The following FOXA3 variants were observed in gnomAD, a reference collection of about 807,000 sequenced individuals.
FOXA3 encodes forkhead box A3.
In FOXA3, 11 loss-of-function variants were observed where a neutral mutation model predicts 16.9. The ratio of observed to expected loss-of-function variants is 0.65; its 90% CI spans 0.41 to 1.08. The LOEUF (loss-of-function observed/expected upper bound fraction) is 1.08. Among genes scored for constraint, FOXA3 ranks in the 50% least tolerant of loss-of-function variants. FOXA3 has a pLI of 0.00. For synonymous variants in FOXA3, 217 were observed against 203.3 expected (o/e 1.07, Z -0.57); for missense variants, 423 against 470.1 (o/e 0.90, Z 0.93).
intron 1 of FOXA3, among the ~76,000 whole-genome samples, chr19:45,867,896 A>T (rs770339854): frequency 2.0e-5 from 3 of 148,110 alleles, no homozygotes; most frequent in Non-Finnish European, 3.0e-5. Context: ...CCAGGAAGGG[A>T]GAAAGAGATG....
At chr19:45,869,985 C>T (rs1050731592) in intron 1 of FOXA3, among the ~76,000 whole-genome samples, 7 of 151,548 alleles carry the variant, frequency 4.6e-5, no homozygotes, top group Non-Finnish European at 1.0e-4. Context: ...AGGGTTTTGC[C>T]ATGTTGGCCA....
intron 1 of FOXA3, among the ~76,000 whole-genome samples, chr19:45,871,594 C>T (rs901533023): frequency 2.7e-5 from 4 of 147,644 alleles, no homozygotes; most frequent in African/African-American, 5.0e-5. Context: ...AAAAAGCTGG[C>T]GTGGTGGCAC....
At chr19:45,867,629 A>G (rs1972095909) in intron 1 of FOXA3, among the ~76,000 whole-genome samples, 1 of 151,644 alleles carries the variant, frequency 6.6e-6, no homozygotes, top group Non-Finnish European at 1.5e-5. Context: ...AAAATACAAA[A>G]CTTAGCTGGG....
intron 1 of FOXA3, among the ~76,000 whole-genome samples, chr19:45,867,496 G>A (rs975907743): frequency 1.3e-5 from 2 of 151,752 alleles, no homozygotes; most frequent in African/African-American, 2.4e-5. Flanking sequence ...TAGGAAGATG[G>A]TGGCTCGTCA....
chr19:45,872,987 G>A lies in FOXA3; in HGVS notation c.982G>A (p.Gly328Arg), dbSNP rs377404065. ...PKLDVGFGGY[G>R]AEGGEPGVYY... ...ACTGGACGTGGGGTTTGGGGGCTACGGGGCTGAAGGTGGGGAGCCTGGAGT... is the reference window on the plus strand; with the variant it reads ...ACTGGACGTGGGGTTTGGGGGCTACAGGGCTGAAGGTGGGGAGCCTGGAGT... The change falls in exon 2 of 2, where the codon GGG (glycine) becomes AGG (arginine). Residue 328 changes from glycine to arginine, a missense_variant. Gly to Arg is a moderately radical substitution (Grantham distance 125). Around this residue, in one of 3 missense-constraint regions of FOXA3, gnomAD observed 168 missense variants for 179.3 expected, o/e 0.94. Transcript: ENST00000302177. This position sits in a 1 kb window ranked among gnomAD's most constrained non-coding sequence, Gnocchi z 4.5. The A allele has an allele frequency of 1.5e-5, 24 of 1,613,730 alleles. No individual in the cohort carries two copies. The highest frequency in any genetic ancestry group is 1.9e-5 in the Non-Finnish European group (22 of 1,179,842).
At chr19:45,869,468 A>ATTGG (rs1490625272) in intron 1 of FOXA3, among the ~76,000 whole-genome samples, 2 of 152,192 alleles carry the variant, frequency 1.3e-5, no homozygotes, top group Non-Finnish European at 2.9e-5. Context: ...ACTGATAAAT[A>ATTGG]TTGGTTGAAT....
At position 45,872,868 on chromosome 19, in the gene FOXA3, T is replaced by A. The variant is rs778185458; in HGVS notation, c.863T>A (p.Leu288His). The A allele has an allele frequency of 3.2e-5, 51 of 1,613,776 alleles. No individual in the cohort carries two copies. Among genetic ancestry groups the A allele is most frequent in the Non-Finnish European group, 4.2e-5 (50 of 1,180,022 alleles). ...ACACCCTATTTCACTGGCCTGGAGC[T>A]CCCAGGGGAGCTGAAGCTGGACGCG... ...SSTPYFTGLE[L>H]PGELKLDAPY... Residue 288 changes from leucine to histidine, a missense_variant, in exon 2 of 2, where the codon CTC becomes CAC. Transcript: ENST00000302177. This position sits in a 1 kb window ranked among gnomAD's most constrained non-coding sequence, Gnocchi z 4.5.
intron 1 of FOXA3, among the ~76,000 whole-genome samples, chr19:45,866,237 C>T (rs1568633076): frequency 6.6e-6 from 1 of 151,792 alleles, no homozygotes; most frequent in Non-Finnish European, 1.5e-5. Flanking sequence ...CATAGGGAGA[C>T]CTTGTCTTTA....
chr19:45,868,675 A>G (rs990753225), intron 1 of FOXA3, among the ~76,000 whole-genome samples: 3 of 151,710 alleles, frequency 2.0e-5, no homozygotes, highest in Non-Finnish European at 2.9e-5. Context: ...ATATAGCAGC[A>G]TTCCCCCACC....
At position 45,873,211 on chromosome 19, in the gene FOXA3, G is replaced by A; in HGVS notation, c.*153G>A. 12 of 1,244,672 alleles carry A rather than the reference G, an allele frequency of 9.6e-6. No individual in the cohort carries two copies. Among genetic ancestry groups the A allele is most frequent in the Non-Finnish European group, 1.2e-5 (11 of 898,888 alleles). The allele number at this position is 1,244,672 out of a possible 1,614,324, so 77.1% of individuals were successfully genotyped here. ...GATGACTGCTGTCTCAGTGGGCATG[G>A]TGTTGATCCACGGGGTACTGTGATA... On this transcript the variant is annotated 3_prime_UTR_variant, in exon 2 of 2. Coordinates refer to ENST00000302177, the MANE Select transcript of FOXA3 (RefSeq NM_004497.3).
Position 45,872,734 on chromosome 19 carries a change from C to A in FOXA3, c.729C>A (p.Pro243=), listed in dbSNP as rs1441154400. 1 of 1,601,604 alleles carries A rather than the reference C, an allele frequency of 6.2e-7. No homozygotes were observed. The highest frequency in any genetic ancestry group is 1.1e-5 in the South Asian group (1 of 90,152). ...GTGSAASTTT[P]AATVTSPPQP... ...GGTCTGCTGCCTCGACCACCACCCC[C>A]GCGGCCACAGTCACCTCCCCGCCCC... Residue 243 remains proline (P), a synonymous_variant, in exon 2 of 2, where the codon CCC becomes CCA. Coordinates refer to ENST00000302177, the MANE Select transcript of FOXA3 (RefSeq NM_004497.3). The surrounding 1 kb of genome is among the most constrained non-coding windows in gnomAD (Gnocchi z 4.5).
At chr19:45,868,899 G>C (rs1972109752) in intron 1 of FOXA3, among the ~76,000 whole-genome samples, 1 of 152,092 alleles carries the variant, frequency 6.6e-6, no homozygotes. Context: ...AGGCATTTCT[G>C]TCTGTCTTAG....
chr19:45,872,801 G>A lies in FOXA3; in HGVS notation c.796G>A (p.Glu266Lys), dbSNP rs778898121. The A allele has an allele frequency of 3.1e-6, 5 of 1,612,180 alleles. No individual in the cohort carries two copies. The highest frequency in any genetic ancestry group is 4.2e-6 in the Non-Finnish European group (5 of 1,179,946). Residue 266 changes from glutamate (E) to lysine (K), a missense_variant, in exon 2 of 2, where the codon GAA (glutamate) becomes AAA (lysine). Physicochemically the swap from Glu to Lys is moderately conservative, Grantham distance 56. Coordinates refer to ENST00000302177, the MANE Select transcript of FOXA3 (RefSeq NM_004497.3). This position sits in a 1 kb window ranked among gnomAD's most constrained non-coding sequence, Gnocchi z 4.5. Reference sequence around the variant, plus strand: ...CCCTGAGCCTGAGGCCCAGGGCGGGGAAGATGTGGGGGCTCTGGACTGTGG... The same window carrying A: ...CCCTGAGCCTGAGGCCCAGGGCGGGAAAGATGTGGGGGCTCTGGACTGTGG... ...PAPEPEAQGG[E>K]DVGALDCGSP...
At chr19:45,867,911 G>C (rs1972099471) in intron 1 of FOXA3, among the ~76,000 whole-genome samples, 1 of 151,224 alleles carries the variant, frequency 6.6e-6, no homozygotes, top group Non-Finnish European at 1.5e-5. Context: ...GAGATGGAAG[G>C]ATGGAGAGAG....
intron 1 of FOXA3, among the ~76,000 whole-genome samples, chr19:45,868,617 T>C (rs1050011437): frequency 4.8e-5 from 7 of 145,754 alleles, no homozygotes; most frequent in Non-Finnish European, 9.0e-5. Context: ...GGCAGGAGAC[T>C]AGGCGGTATC....
In FOXA3 at chr19:45,873,420, C is replaced by CT. The variant is rs1014627638; in HGVS notation, c.*368dup. On this transcript the variant is annotated 3_prime_UTR_variant, in exon 2 of 2. Transcript: ENST00000302177. Reference sequence around the variant, plus strand: ...CCCCCATTAGGTGCTGTGCCCACTTCTTTTTTGGTGTACTTGGCACAGTAG... The same window carrying CT: ...CCCCCATTAGGTGCTGTGCCCACTTCTTTTTTTGGTGTACTTGGCACAGTAG... 23 of 317,316 alleles carry CT rather than the reference C, an allele frequency of 7.2e-5. No individual in the cohort carries two copies. The highest frequency in any genetic ancestry group is 1.0e-3 in the Middle Eastern group (1 of 966). 19.7% of individuals were successfully genotyped at this position (317,316 alleles called of 1,614,324 possible).
At position 45,873,451 on chromosome 19, in the gene FOXA3, AAGTT is replaced by A; in HGVS notation, c.*394_*397del. ...TGGTGTACTTGGCACAGTAGGTGCCAAGTTGGCCACCATTCTGTGTAACACCTTT... is the reference window on the plus strand; with the variant it reads ...TGGTGTACTTGGCACAGTAGGTGCCAGGCCACCATTCTGTGTAACACCTTT... On this transcript the variant is annotated 3_prime_UTR_variant, in exon 2 of 2. Transcript: ENST00000302177. 2.3e-5 allele frequency: 6 copies of A among 257,102 alleles called. No homozygotes were observed. Among genetic ancestry groups the A allele is most frequent in the Admixed American group, 9.9e-5 (2 of 20,294 alleles). 15.9% of individuals were successfully genotyped at this position (257,102 alleles called of 1,614,324 possible).
In FOXA3 at chr19:45,872,887, G is replaced by A. The variant is rs1344769547; in HGVS notation, c.882G>A (p.Leu294=). 1.2e-6 allele frequency: 2 copies of A among 1,613,976 alleles called. No homozygotes were observed. Among genetic ancestry groups the A allele is most frequent in the Non-Finnish European group, 1.7e-6 (2 of 1,180,048 alleles). ...TGGAGCTCCCAGGGGAGCTGAAGCT[G>A]GACGCGCCCTACAACTTCAACCACC... The part of the protein sequence containing the change: ...TGLELPGELK[L]DAPYNFNHPF... Residue 294 remains leucine, a synonymous_variant, in exon 2 of 2, where the codon CTG becomes CTA. Transcript: ENST00000302177. This position sits in a 1 kb window ranked among gnomAD's most constrained non-coding sequence, Gnocchi z 4.5.
In FOXA3 at chr19:45,870,948, G is replaced by A. The variant is rs184626318; in HGVS notation, c.70-1127G>A. On this transcript the variant is annotated intron_variant, in intron 1 of 1. Coordinates refer to ENST00000302177, the MANE Select transcript of FOXA3 (RefSeq NM_004497.3). The stretch of plus-strand genomic sequence containing the variant: ...TACTAAAAATACAAAAAAATTAGCT[G>A]GGTGTGCGGTGCATGCCTATAATCC... 3.2e-3 allele frequency among the ~76,000 whole-genome samples: 483 copies of A among 151,912 alleles called. 4 individuals carry two copies. The highest frequency in any genetic ancestry group is 0.011 in the African/African-American group (457 of 41,448).
Sources: gnomAD v4.1 joint callset for allele counts (sites outside exome capture counted in the v4.1 genomes callset) on GRCh38, gnomAD v4.1.1 for gene constraint, gnomAD v4.1.1 regional missense constraint, Gnocchi (gnomAD v3.1) non-coding constraint, MANE v1.5 for transcripts, NCBI Gene and HGNC (gene_info 2026-07-23, HGNC 2026-07-21) for gene names.